Variants in UNC80 observed in about 807,000 individuals in gnomAD.
The protein encoded by UNC80 is protein unc-80 homolog.
A neutral mutation model predicts 384.6 loss-of-function variants in UNC80; 164 were observed. The ratio of observed to expected loss-of-function variants is 0.43; its 90% CI spans 0.38 to 0.49. The LOEUF is 0.49. Among genes scored for constraint, UNC80 ranks in the 20% least tolerant of loss-of-function variants. UNC80 has a pLI of 0.00. For synonymous variants in UNC80, 1,486 were observed against 1,527.8 expected (o/e 0.97, Z 0.64); for missense variants, 3,330 against 4,143.0 (o/e 0.80, Z 5.39).
intron 52 of UNC80, 113 bp from the exon 53 acceptor site, chr2:209,969,654 TC>T: frequency 2.1e-6 from 3 of 1,408,248 alleles, no homozygotes; most frequent in Non-Finnish European, 2.9e-6. Context: ...TGGGTAAACT[TC>T]ATCCCAGAGA....
chr2:209,917,657 C>T (rs2089664068), intron 31 of UNC80, 120 bp from the exon 32 acceptor site: 3 of 1,221,796 alleles, frequency 2.5e-6, no homozygotes, highest in Non-Finnish European at 3.4e-6. Context: ...TGCTGGTAGC[C>T]TAGCTCCATA....
chr2:209,793,680 CA>C, intron 6 of UNC80, 39 bp from the exon 7 acceptor site: 1 of 1,604,224 alleles, frequency 6.2e-7, no homozygotes, highest in Non-Finnish European at 8.5e-7. Context: ...AAACAAAAAA[CA>C]AAAAACAAAA....
At chr2:209,992,372 G>C (rs758173360) in intron 62 of UNC80, 125 bp downstream of exon 62, 3 of 845,086 alleles carry the variant, frequency 3.5e-6, no homozygotes, top group Non-Finnish European at 5.6e-6. Context: ...CTACTGGGGA[G>C]GCTGATGTGG....
chr2:209,892,391 C>T (rs2086425494), intron 26 of UNC80, among the ~76,000 whole-genome samples: 1 of 152,178 alleles, frequency 6.6e-6, no homozygotes, highest in African/African-American at 2.4e-5. Context: ...TTCAGTGCTG[C>T]ACAATCTCAA....
At chr2:209,927,601 A>C (rs2090536060) in intron 36 of UNC80, among the ~76,000 whole-genome samples, 1 of 152,246 alleles carries the variant, frequency 6.6e-6, no homozygotes, top group African/African-American at 2.4e-5. Context: ...CATTTCAGCC[A>C]GAAAGTCGGC....
chr2:209,865,149 C>G (rs775502969), intron 22 of UNC80, among the ~76,000 whole-genome samples: 24 of 152,170 alleles, frequency 1.6e-4, no homozygotes, highest in Non-Finnish European at 2.9e-4. Flanking sequence ...TCTTTCTCTC[C>G]ACGGGTCACG....
At chr2:209,777,196 T>G in intron 3 of UNC80, 62 bp from the exon 4 acceptor site, 7 of 1,486,404 alleles carry the variant, frequency 4.7e-6, no homozygotes, top group South Asian at 1.3e-5. Flanking sequence ...GACCCATTGT[T>G]GACATCTATT....
intron 5 of UNC80, among the ~76,000 whole-genome samples, chr2:209,787,138 A>G (rs2077491222): frequency 9.0e-6 from 1 of 111,416 alleles, no homozygotes; most frequent in Non-Finnish European, 1.7e-5. Flanking sequence ...TAACACATAT[A>G]TAAAAACTAC....
Position 209,926,886 on chromosome 2 carries a change from T to C in UNC80, c.5706T>C (p.Pro1902=). The stretch of plus-strand genomic sequence containing the variant: ...AACACACGCCGAACCACCATGTGCC[T>C]CAGCCCCCACAAGCAGTGTTCCCAG... The part of the protein sequence containing the change: ...TTEHTPNHHV[P]QPPQAVFPAC... The change falls in exon 36 of 65, where the codon CCT becomes CCC. Residue 1902 remains proline, a synonymous_variant. Transcript: ENST00000673920. The C allele has an allele frequency of 6.4e-7, 1 of 1,552,250 alleles. No individual in the cohort carries two copies. The highest frequency in any genetic ancestry group is 8.7e-7 in the Non-Finnish European group (1 of 1,147,082).
intron 42 of UNC80, among the ~76,000 whole-genome samples, chr2:209,939,069 G>A (rs1362097914): frequency 6.6e-6 from 1 of 152,062 alleles, no homozygotes; most frequent in Non-Finnish European, 1.5e-5. Flanking sequence ...GACAAACCCG[G>A]AACTCCCAGG....
chr2:209,934,060 C>A lies in UNC80; in HGVS notation c.6178+55C>A, dbSNP rs374096967. On this transcript the variant is annotated intron_variant, in intron 39 of 64. Transcript: ENST00000673920. ...ACTTTAAAAAAAAATTATAAATAGC[C>A]CTTTGAAAGACTAAGAGTCTCTTTC... 4.6e-4 allele frequency: 660 copies of A among 1,431,856 alleles called. 7 individuals carry two copies. In the South Asian group the frequency reaches 9.0e-3, roughly 19 times the overall value. 88.7% of individuals were successfully genotyped at this position (1,431,856 alleles called of 1,614,324 possible).
Position 209,819,154 on chromosome 2 carries a change from C to T in UNC80, c.1855C>T (p.Pro619Ser), listed in dbSNP as rs1458206481. The change falls in exon 12 of 65, where the codon CCT becomes TCT. Residue 619 changes from proline (P) to serine (S), a missense_variant. Physicochemically the swap from Pro to Ser is moderately conservative, Grantham distance 74 (BLOSUM62 -1). Coordinates refer to ENST00000673920, the MANE Select transcript of UNC80 (RefSeq NM_001371986.1). Reference sequence around the variant, plus strand: ...TGAACCTCTGGCATGTGCTAACCTACCTCGAAGCCTCACAGACTCCTGCAT... The same window carrying T: ...TGAACCTCTGGCATGTGCTAACCTATCTCGAAGCCTCACAGACTCCTGCAT... ...PHEPLACANL[P>S]RSLTDSCINY... 1.0e-5 allele frequency: 16 copies of T among 1,552,090 alleles called. No homozygotes were observed. Among genetic ancestry groups the T allele is most frequent in the East Asian group, 2.4e-5 (1 of 40,942 alleles).
chr2:209,875,418 C>T (rs1040418248), intron 23 of UNC80, among the ~76,000 whole-genome samples: 1 of 152,246 alleles, frequency 6.6e-6, no homozygotes, highest in Non-Finnish European at 1.5e-5. Flanking sequence ...TAAATACTTT[C>T]CTCCTAATGT....
At chr2:209,869,537 A>G (rs903031624) in intron 22 of UNC80, among the ~76,000 whole-genome samples, 1 of 152,148 alleles carries the variant, frequency 6.6e-6, no homozygotes, top group Non-Finnish European at 1.5e-5. Flanking sequence ...TATATATACT[A>G]AAATACCCCA....
chr2:209,974,365 C>G (rs189921005), intron 56 of UNC80, among the ~76,000 whole-genome samples: 8 of 152,292 alleles, frequency 5.3e-5, no homozygotes, highest in African/African-American at 1.9e-4. Flanking sequence ...AAGTAGAATT[C>G]AAATCTAAGC....
chr2:209,822,011 A>G (rs2080168473), intron 13 of UNC80, among the ~76,000 whole-genome samples: 1 of 152,068 alleles, frequency 6.6e-6, no homozygotes, highest in South Asian at 2.1e-4. Context: ...TTCCTCTTTC[A>G]CAATTTCTTC....
rs749689256 is a variant in UNC80, at chr2:209,959,401, A to G, written c.7587-88A>G. ...GATTCATTAACTCATTAGGAATCTT[A>G]TATTTTTCTTCAGTGTGATACCCTC... is the stretch of plus-strand genomic sequence containing the variant. On this transcript the variant is annotated intron_variant, in intron 50 of 64. Coordinates refer to ENST00000673920, the MANE Select transcript of UNC80 (RefSeq NM_001371986.1). The G allele has an allele frequency of 4.1e-4, 534 of 1,287,338 alleles. 1 individual carries two copies. The highest frequency in any genetic ancestry group is 4.8e-4 in the Non-Finnish European group (440 of 925,004). 79.7% of individuals were successfully genotyped at this position (1,287,338 alleles called of 1,614,324 possible). A position where few individuals can be genotyped will look rare whatever the true frequency, so the allele number is the denominator to read the frequency against.
chr2:209,975,485 A>G (rs1204975654), intron 56 of UNC80, among the ~76,000 whole-genome samples: 5 of 152,208 alleles, frequency 3.3e-5, no homozygotes, highest in African/African-American at 1.2e-4. Context: ...TTAGTAACAG[A>G]CGTAGTGTGT....
chr2:209,777,633 T>A, intron 4 of UNC80, 74 bp downstream of exon 4: 1 of 1,481,534 alleles, frequency 6.7e-7, no homozygotes, highest in South Asian at 1.3e-5. Context: ...GATATTTCCA[T>A]ATTTGGTTGG....
Sources: gnomAD v4.1 joint callset for allele counts (sites outside exome capture counted in the v4.1 genomes callset) on GRCh38, gnomAD v4.1.1 for gene constraint, MANE v1.5 for transcripts, NCBI Gene and HGNC (gene_info 2026-07-23, HGNC 2026-07-21) for gene names.